The following SV2C variants were observed in gnomAD, a reference collection of about 807,000 sequenced individuals.
The protein encoded by SV2C is solute carrier family 22 member B3.
Under a neutral mutation model 79.7 loss-of-function variants are expected in SV2C, and 49 were observed. That is an observed-to-expected ratio of 0.61 (90% CI 0.49 to 0.78). The LOEUF is 0.78. Among genes scored for constraint, SV2C ranks in the 30% least tolerant of loss-of-function variants. The probability of loss-of-function intolerance (pLI) is 0.00; values close to 1 mark genes in which losing one functional copy is unlikely to be tolerated. For synonymous variants in SV2C, 334 were observed against 333.2 expected, an observed-to-expected ratio of 1.00 and a Z score of -0.03; for missense variants, 833 against 912.9, an observed-to-expected ratio of 0.91 and a Z score of 1.13.
intron 2 of SV2C, among the ~76,000 whole-genome samples, chr5:76,168,536 G>T (rs963856537): frequency 6.6e-6 from 1 of 152,162 alleles, no homozygotes; most frequent in South Asian, 2.1e-4. Context: ...TCGTGAAGGA[G>T]GTATGGTGAT....
At chr5:75,960,113 G>A in the SV2C span, among the ~76,000 whole-genome samples, 1 of 151,890 alleles carries the variant, frequency 6.6e-6, no homozygotes, top group Non-Finnish European at 1.5e-5. Context: ...ATTTTAATAT[G>A]ACCTTGAAGG....
At chr5:76,129,725 A>G (rs1748819337) in intron 1 of SV2C, among the ~76,000 whole-genome samples, 2 of 152,138 alleles carry the variant, frequency 1.3e-5, no homozygotes, top group East Asian at 3.9e-4. Context: ...TTGATATACA[A>G]TTTCTTGGAA....
chr5:75,922,052 G>T, the SV2C span, among the ~76,000 whole-genome samples: 1 of 151,966 alleles, frequency 6.6e-6, no homozygotes, highest in Non-Finnish European at 1.5e-5. Context: ...ATAAAGGAAT[G>T]TATGAAGTTT....
intron 1 of SV2C, among the ~76,000 whole-genome samples, chr5:76,120,613 C>T (rs1192227213): frequency 2.8e-5 from 4 of 143,948 alleles, no homozygotes; most frequent in Non-Finnish European, 3.0e-5. Flanking sequence ...TGAGAACATG[C>T]GGTGTTTGGT....
At chr5:76,028,418 CA>C in the SV2C span, among the ~76,000 whole-genome samples, 1 of 152,076 alleles carries the variant, frequency 6.6e-6, no homozygotes, top group Non-Finnish European at 1.5e-5. Flanking sequence ...GTTAATTGAA[CA>C]AATATATAGA....
the SV2C span, among the ~76,000 whole-genome samples, chr5:76,002,633 G>A: frequency 3.3e-5 from 5 of 152,100 alleles, no homozygotes; most frequent in Non-Finnish European, 5.9e-5. Flanking sequence ...ATATCTAGGG[G>A]CAGAAAGAAC....
the SV2C span, among the ~76,000 whole-genome samples, chr5:75,879,985 C>T: frequency 1.3e-5 from 2 of 152,206 alleles, no homozygotes; most frequent in African/African-American, 4.8e-5. Flanking sequence ...TTATGGCTTG[C>T]ATTCTCCAAA....
chr5:75,999,226 G>T, the SV2C span, among the ~76,000 whole-genome samples: 2 of 151,952 alleles, frequency 1.3e-5, no homozygotes, highest in Non-Finnish European at 1.5e-5. Context: ...ATGAGATTTG[G>T]GTGGGGACAC....
chr5:76,300,057 G>A (rs946258812), intron 10 of SV2C, among the ~76,000 whole-genome samples: 5 of 151,980 alleles, frequency 3.3e-5, no homozygotes, highest in Admixed American at 1.3e-4. Context: ...TGATAAGGCT[G>A]ACTCTTGCAC....
chr5:76,133,052 G>A (rs1748954038), intron 2 of SV2C, among the ~76,000 whole-genome samples: 1 of 151,920 alleles, frequency 6.6e-6, no homozygotes, highest in Admixed American at 6.6e-5. Flanking sequence ...TTGTTTTGAA[G>A]TTACCATGGA....
intron 12 of SV2C, among the ~76,000 whole-genome samples, chr5:76,309,841 C>T (rs1748361202): frequency 6.6e-6 from 1 of 152,006 alleles, no homozygotes; most frequent in Non-Finnish European, 1.5e-5. Flanking sequence ...ATTTTAAAAA[C>T]CACCTGCAGG....
intron 4 of SV2C, among the ~76,000 whole-genome samples, chr5:76,260,190 G>T (rs1331506579): frequency 6.6e-6 from 1 of 152,098 alleles, no homozygotes; most frequent in Non-Finnish European, 1.5e-5. Flanking sequence ...TCTCTAATGA[G>T]CAGTGATGAT....
the SV2C span, among the ~76,000 whole-genome samples, chr5:75,882,179 G>A: frequency 2.0e-5 from 3 of 150,778 alleles, no homozygotes; most frequent in Non-Finnish European, 4.4e-5. Flanking sequence ...GCTTTTTGAT[G>A]TGCTGCTGGA....
chr5:76,234,153 T>C (rs1032310607), intron 4 of SV2C, among the ~76,000 whole-genome samples: 8 of 152,226 alleles, frequency 5.3e-5, no homozygotes, highest in African/African-American at 1.4e-4. Context: ...TATGGTGTGT[T>C]ATTCAATAAA....
intron 2 of SV2C, among the ~76,000 whole-genome samples, chr5:76,138,559 C>T (rs1580298412): frequency 6.6e-6 from 1 of 152,190 alleles, no homozygotes; most frequent in Middle Eastern, 3.4e-3. Context: ...AATTTGATTG[C>T]CTCAGAGAAT....
the SV2C span, among the ~76,000 whole-genome samples, chr5:75,999,245 C>G: frequency 4.8e-3 from 723 of 150,908 alleles, 4 homozygotes; most frequent in African/African-American, 0.017. Flanking sequence ...ACAGCCAAAC[C>G]ATATCAATTT....
At chr5:76,230,775 C>A (rs1745390633) in intron 4 of SV2C, among the ~76,000 whole-genome samples, 1 of 148,248 alleles carries the variant, frequency 6.7e-6, no homozygotes, top group Non-Finnish European at 1.5e-5. Context: ...GGTGACAGAG[C>A]AAGACTCTGT....
At chr5:76,160,451 A>G (rs1021928534) in intron 2 of SV2C, among the ~76,000 whole-genome samples, 15 of 152,198 alleles carry the variant, frequency 9.9e-5, no homozygotes, top group Non-Finnish European at 1.3e-4. Context: ...TTTCAACAGG[A>G]ATGCCAAGAC....
chr5:76,150,807 T>A (rs1263736707), intron 2 of SV2C, among the ~76,000 whole-genome samples: 9 of 151,594 alleles, frequency 5.9e-5, no homozygotes, highest in African/African-American at 2.2e-4. Flanking sequence ...TTGGCTAATT[T>A]TTTTATTTTT....
Sources: allele counts gnomAD v4.1 joint callset (sites outside exome capture counted in the v4.1 genomes callset), GRCh38; gene constraint gnomAD v4.1.1; transcripts MANE v1.5; gene names NCBI Gene and HGNC (gene_info 2026-07-23, HGNC 2026-07-21).